The following PTDSS1 variants were observed in gnomAD, a reference collection of about 807,000 sequenced individuals.
The protein encoded by PTDSS1 is PSS-1.
Under a neutral mutation model 70.5 loss-of-function variants are expected in PTDSS1, and 45 were observed. The observed-to-expected ratio is 0.64, with a 90% CI of 0.50 to 0.82. PTDSS1 has a LOEUF of 0.82. Among genes scored for constraint, PTDSS1 ranks in the 40% least tolerant of loss-of-function variants. PTDSS1 has a pLI of 0.00. For missense variants in PTDSS1, 417 were observed against 586.1 expected (o/e 0.71, Z 2.98); for synonymous variants, 188 against 203.8 (o/e 0.92, Z 0.66).
intron 2 of PTDSS1, among the ~76,000 whole-genome samples, chr8:96,274,305 A>G (rs1228379482): frequency 6.6e-6 from 1 of 152,186 alleles, no homozygotes; most frequent in Non-Finnish European, 1.5e-5. Flanking sequence ...GTGTAATATA[A>G]GAAGCTCATT....
chr8:96,262,286 G>C lies in PTDSS1; in HGVS notation c.179+67G>C. 1 of 1,462,412 alleles carries C rather than the reference G, an allele frequency of 6.8e-7. No homozygotes were observed. 90.6% of individuals were successfully genotyped at this position (1,462,412 alleles called of 1,614,324 possible). On this transcript the variant is annotated intron_variant, in intron 1 of 12. Transcript: ENST00000517309. The surrounding 1 kb of genome is among the most constrained non-coding windows in gnomAD (Gnocchi z 4.4). The stretch of plus-strand genomic sequence containing the variant: ...GGGAAGAGGCGGGAGGGAGGGTGGC[G>C]GGGAGGGGGGCCCGGCATGGCTCTG...
At chr8:96,323,685 G>A (rs1307908169) in intron 10 of PTDSS1, among the ~76,000 whole-genome samples, 2 of 152,200 alleles carry the variant, frequency 1.3e-5, no homozygotes, top group African/African-American at 2.4e-5. Context: ...GGTCTGTGAT[G>A]GGAGGGGCAG....
intron 5 of PTDSS1, among the ~76,000 whole-genome samples, chr8:96,295,672 A>T (rs913907499): frequency 6.6e-6 from 1 of 152,260 alleles, no homozygotes; most frequent in African/African-American, 2.4e-5. Context: ...TGGTAGCTGC[A>T]AAATGGATTC....
intron 8 of PTDSS1, 110 bp downstream of exon 8, chr8:96,306,666 A>T: frequency 1.2e-6 from 1 of 822,994 alleles, no homozygotes; most frequent in Admixed American, 2.3e-5. Context: ...TGAAAATACC[A>T]TCGTAAAGAA....
chr8:96,267,647 A>G (rs1475121487), intron 1 of PTDSS1, among the ~76,000 whole-genome samples: 1 of 152,238 alleles, frequency 6.6e-6, no homozygotes, highest in Non-Finnish European at 1.5e-5. Context: ...TTAGTATGGT[A>G]TGAAAGATAA....
At chr8:96,330,433 C>A (rs1156420413) in intron 11 of PTDSS1, 152 bp downstream of exon 11, 2 of 700,468 alleles carry the variant, frequency 2.9e-6, no homozygotes, top group African/African-American at 3.6e-5. Context: ...CATGTCACAA[C>A]TCATTCCCTA....
intron 1 of PTDSS1, among the ~76,000 whole-genome samples, chr8:96,270,282 T>C (rs1810546283): frequency 6.6e-6 from 1 of 152,132 alleles, no homozygotes; most frequent in African/African-American, 2.4e-5. Flanking sequence ...GGATACTAGA[T>C]CTTGTCCCTC....
At chr8:96,317,019 ATATATATATGTGTC>A (rs1811299522) in intron 9 of PTDSS1, among the ~76,000 whole-genome samples, 1 of 97,836 alleles carries the variant, frequency 1.0e-5, no homozygotes, top group Admixed American at 1.1e-4. Flanking sequence ...ATGTATGTGT[ATATATATATGTGTC>A]TATATATATG....
chr8:96,286,053 G>A (rs1380219707), intron 3 of PTDSS1, among the ~76,000 whole-genome samples: 1 of 152,164 alleles, frequency 6.6e-6, no homozygotes, highest in African/African-American at 2.4e-5. Flanking sequence ...AGGGGTGCCT[G>A]TTAGAAGGTC....
Position 96,334,724 on chromosome 8 carries a change from T to G in PTDSS1, c.*1158T>G, listed in dbSNP as rs1231289402. 2 of 152,216 alleles carry G rather than the reference T, an allele frequency of 1.3e-5. No homozygotes were observed. 9.4% of individuals were successfully genotyped at this position (152,216 alleles called of 1,614,324 possible). ...GGCTTACAGACATATATGTCCTACT[T>G]CTTAGACTACCCAAGTGACCAACAG... On this transcript the variant is annotated 3_prime_UTR_variant, in exon 13 of 13. Coordinates refer to ENST00000517309, the MANE Select transcript of PTDSS1 (RefSeq NM_014754.3).
rs757267921 is a variant in PTDSS1, at chr8:96,306,469, T to G, written c.920T>G (p.Leu307Trp). ...CTGACTGAGTTGAATACCTTCTTCT[T>G]GAAGCATATCTTTGTGTTCCAAGCC... ...WQLTELNTFF[L>W]KHIFVFQASH... The change falls in exon 8 of 13, where the codon TTG (leucine) becomes TGG (tryptophan). Residue 307 changes from leucine (L) to tryptophan (W), a missense_variant. Leu to Trp is a moderately conservative substitution (Grantham distance 61). This residue lies in a region of PTDSS1 where 272 missense variants were observed against 429.5 expected (regional missense o/e 0.63). Coordinates refer to ENST00000517309, the MANE Select transcript of PTDSS1 (RefSeq NM_014754.3). The G allele has an allele frequency of 2.3e-5, 37 of 1,614,174 alleles. No homozygotes were observed. The highest frequency in any genetic ancestry group is 8.3e-5 in the Admixed American group (5 of 60,026).
At chr8:96,319,393 A>G (rs1190269634) in intron 9 of PTDSS1, among the ~76,000 whole-genome samples, 1 of 152,010 alleles carries the variant, frequency 6.6e-6, no homozygotes, top group Non-Finnish European at 1.5e-5. Context: ...CAAGTCCTGA[A>G]CCTTTAGAAA....
At chr8:96,301,316 G>A (rs1191551252) in intron 6 of PTDSS1, among the ~76,000 whole-genome samples, 2 of 151,924 alleles carry the variant, frequency 1.3e-5, no homozygotes, top group Admixed American at 6.6e-5. Context: ...GGCTGGTCTC[G>A]AACTCCTGAC....
chr8:96,318,196 G>C (rs1015450110), intron 9 of PTDSS1, among the ~76,000 whole-genome samples: 8 of 152,120 alleles, frequency 5.3e-5, no homozygotes, highest in African/African-American at 1.4e-4. Context: ...GTGGTGGCAG[G>C]CGCCTGTAGT....
Position 96,309,588 on chromosome 8 carries a change from T to C in PTDSS1, c.1039T>C (p.Cys347Arg), listed in dbSNP as rs878935975. 1 of 1,614,088 alleles carries C rather than the reference T, an allele frequency of 6.2e-7. No homozygotes were observed. The highest frequency in any genetic ancestry group is 8.5e-7 in the Non-Finnish European group (1 of 1,179,962). Residue 347 changes from cysteine (C) to arginine (R), a missense_variant, in exon 9 of 13, where the codon TGC becomes CGC. Physicochemically the swap from Cys to Arg is radical, Grantham distance 180 (BLOSUM62 -3). Transcript: ENST00000517309. Reference sequence around the variant, plus strand: ...CTACGCTTACCTCACCGACACACAGTGCAAGCGCGTAGGAACACAATGCTG... The same window carrying C: ...CTACGCTTACCTCACCGACACACAGCGCAAGCGCGTAGGAACACAATGCTG... Reference protein sequence around the residue: ...QYYAYLTDTQCKRVGTQCWVF... With the variant: ...QYYAYLTDTQRKRVGTQCWVF...
At chr8:96,269,011 A>T (rs1424952310) in intron 1 of PTDSS1, among the ~76,000 whole-genome samples, 3 of 152,178 alleles carry the variant, frequency 2.0e-5, no homozygotes, top group Non-Finnish European at 4.4e-5. Flanking sequence ...TGGGGAAATG[A>T]GGTGGGACTT....
intron 7 of PTDSS1, among the ~76,000 whole-genome samples, chr8:96,306,083 G>A (rs115717505): frequency 0.012 from 1,868 of 152,296 alleles, 42 homozygotes; most frequent in East Asian, 0.055. Flanking sequence ...TGTGGCACAG[G>A]TTTGCTTTCA....
chr8:96,286,112 C>T (rs1417865130), intron 3 of PTDSS1, among the ~76,000 whole-genome samples: 2 of 152,150 alleles, frequency 1.3e-5, no homozygotes, highest in Admixed American at 6.5e-5. Context: ...CGGACGTGCT[C>T]TCCTCTGGAG....
At chr8:96,297,592 G>C (rs151252144) in intron 5 of PTDSS1, among the ~76,000 whole-genome samples, 96 of 152,262 alleles carry the variant, frequency 6.3e-4, no homozygotes, top group African/African-American at 2.2e-3. Context: ...CCTCAGTGCT[G>C]CAGCCGCCTC....
Sources: gnomAD v4.1 joint callset for allele counts (sites outside exome capture counted in the v4.1 genomes callset) on GRCh38, gnomAD v4.1.1 for gene constraint, gnomAD v4.1.1 regional missense constraint, Gnocchi (gnomAD v3.1) non-coding constraint, MANE v1.5 for transcripts, NCBI Gene and HGNC (gene_info 2026-07-23, HGNC 2026-07-21) for gene names.